COL9A1: variants seen among roughly 807,000 people sequenced by gnomAD.
COL9A1 encodes the protein collagen type IX alpha 1 chain, also known as collagen alpha-1(IX) chain.
Under a neutral mutation model 142.6 loss-of-function variants are expected in COL9A1, and 104 were observed. The ratio of observed to expected loss-of-function variants is 0.73; its 90% CI spans 0.62 to 0.86. The LOEUF (loss-of-function observed/expected upper bound fraction) is 0.86, where lower values mean the gene tolerates loss of function less well. Ranked by LOEUF, COL9A1 falls within the 40% of genes least tolerant of loss-of-function variation. The pLI is 0.00. For synonymous variants in COL9A1, 466 were observed against 396.0 expected (o/e 1.18, Z -2.10); for missense variants, 1,210 against 1,176.6 (o/e 1.03, Z -0.42).
intron 5 of COL9A1, among the ~76,000 whole-genome samples, chr6:70,287,640 A>G (rs1280302898): frequency 6.6e-6 from 1 of 150,568 alleles, no homozygotes; most frequent in African/African-American, 2.5e-5. Context: ...TCTTCTCCTC[A>G]TTTTCTCTTG....
intron 10 of COL9A1, among the ~76,000 whole-genome samples, chr6:70,275,569 T>C (rs1212091989): frequency 1.3e-5 from 2 of 152,240 alleles, no homozygotes; most frequent in Admixed American, 6.5e-5. Context: ...ACTACTTACT[T>C]TATCATCATC....
chr6:70,301,607 A>G (rs545256530), intron 2 of COL9A1, among the ~76,000 whole-genome samples: 35 of 152,254 alleles, frequency 2.3e-4, no homozygotes, highest in Admixed American at 2.6e-4. Flanking sequence ...ATAAAAAAGC[A>G]TGGGCCTAAC....
In COL9A1 at chr6:70,302,927, T is replaced by A; in HGVS notation, c.-3A>T. ...TTGTCTTACCAGCAGGTCTTCATTT[T>A]CCCAGTTGATTTTCTTTGTTTGCCA... is the stretch of plus-strand genomic sequence containing the variant. On this transcript the variant is annotated 5_prime_UTR_variant, in exon 1 of 38. Coordinates refer to ENST00000357250, the MANE Select transcript of COL9A1 (RefSeq NM_001851.6). 1 of 1,614,084 alleles carries A rather than the reference T, an allele frequency of 6.2e-7. No individual in the cohort carries two copies. The highest frequency in any genetic ancestry group is 1.1e-5 in the South Asian group (1 of 91,080).
chr6:70,247,834 C>T (rs1770698504), intron 28 of COL9A1, among the ~76,000 whole-genome samples: 1 of 152,150 alleles, frequency 6.6e-6, no homozygotes, highest in African/African-American at 2.4e-5. Flanking sequence ...AACCATCACA[C>T]ACATCAGCTT....
rs1167642665 is a variant in COL9A1, at chr6:70,294,301, C to T, written c.562G>A (p.Glu188Lys). The T allele has an allele frequency of 6.2e-7, 1 of 1,614,024 alleles. No individual in the cohort carries two copies. Among genetic ancestry groups the T allele is most frequent in the East Asian group, 2.2e-5 (1 of 44,878 alleles). The change falls in exon 5 of 38, where the codon GAG (glutamate) becomes AAG (lysine). Residue 188 changes from glutamate to lysine, a missense_variant. Glu to Lys is a moderately conservative substitution (Grantham distance 56). Transcript: ENST00000357250. ...ACAAAAAGAGTAGCACTACTCCTCT[C>T]CACGCCAATCATGATCTTATGCCAC... ...SQWHKIMIGV[E>K]RSSATLFVDC...
At position 70,242,703 on chromosome 6, in the gene COL9A1, C is replaced by T; in HGVS notation, c.1885G>A (p.Glu629Lys). 1 of 1,614,186 alleles carries T rather than the reference C, an allele frequency of 6.2e-7. No homozygotes were observed. Among genetic ancestry groups the T allele is most frequent in the Non-Finnish European group, 8.5e-7 (1 of 1,179,996 alleles). The change falls in exon 29 of 38, where the codon GAA becomes AAA. Residue 629 changes from glutamate (E) to lysine (K), a missense_variant. Coordinates refer to ENST00000357250, the MANE Select transcript of COL9A1 (RefSeq NM_001851.6). ...GPQGLPGSRG[E>K]LGPVGSPGLP... is the part of the protein sequence containing the mutation. ...CCTGGGGATCCCACTGGTCCTAATT[C>T]TCCTCTACTGCCCTGTAAAAACACA...
In COL9A1 at chr6:70,267,224, T is replaced by G. The variant is rs2881344; in HGVS notation, c.1288-454A>C. 3.6e-3 allele frequency among the ~76,000 whole-genome samples: 546 copies of G among 152,182 alleles called. 4 individuals are homozygous for G. Among genetic ancestry groups the G allele is most frequent in the African/African-American group, 0.011 (472 of 41,522 alleles). ...TCGGCCTCCTCCATTCCCACCTCCT[T>G]CCTGATGGTGGAGGAAGGCCTGGTG... On this transcript the variant is annotated intron_variant, in intron 17 of 37. Transcript: ENST00000357250.
Position 70,217,097 on chromosome 6 carries a change from G to A in COL9A1, c.2582-16C>T. On this transcript the variant is annotated splice_polypyrimidine_tract_variant and intron_variant, in intron 37 of 37. Coordinates refer to ENST00000357250, the MANE Select transcript of COL9A1 (RefSeq NM_001851.6). ...CCTGGGTCACCTGAAACACACAGAA[G>A]ATTGCACATGTGAACAGGAGAATCC... 6.2e-7 allele frequency: 1 copy of A among 1,613,582 alleles called. No homozygotes were observed. Among genetic ancestry groups the A allele is most frequent in the Non-Finnish European group, 8.5e-7 (1 of 1,179,754 alleles).
intron 5 of COL9A1, among the ~76,000 whole-genome samples, chr6:70,287,704 G>C (rs757283856): frequency 2.0e-5 from 3 of 152,130 alleles, no homozygotes; most frequent in Non-Finnish European, 4.4e-5. Flanking sequence ...CTTTTCTCAA[G>C]ATCACTCTCT....
chr6:70,301,928 A>G lies in COL9A1; in HGVS notation c.88+73T>C, dbSNP rs1468088592. The G allele has an allele frequency of 8.9e-6, 11 of 1,232,062 alleles. No homozygotes were observed. The East Asian group carries it at 2.2e-4, about 25-fold the overall frequency. 76.3% of individuals were successfully genotyped at this position (1,232,062 alleles called of 1,614,324 possible). A position where few individuals can be genotyped will look rare whatever the true frequency, so the allele number is the denominator to read the frequency against. ...ACTATGAATGCCTCACTCAGTCTTC[A>G]GTCAGCCACAGCCCTGCCTGATCAT... is the stretch of plus-strand genomic sequence containing the variant. On this transcript the variant is annotated intron_variant, in intron 2 of 37. Coordinates refer to ENST00000357250, the MANE Select transcript of COL9A1 (RefSeq NM_001851.6).
At chr6:70,296,382 T>C (rs984874569) in intron 4 of COL9A1, among the ~76,000 whole-genome samples, 1 of 152,142 alleles carries the variant, frequency 6.6e-6, no homozygotes, top group Admixed American at 6.5e-5. Flanking sequence ...CTATGTTTTA[T>C]ATCCCTCAAG....
intron 19 of COL9A1, among the ~76,000 whole-genome samples, chr6:70,262,340 A>G (rs1482170115): frequency 6.6e-6 from 1 of 152,160 alleles, no homozygotes; most frequent in South Asian, 2.1e-4. Flanking sequence ...AGCAGAGACC[A>G]TTTCTTCCAG....
chr6:70,254,640 C>T (rs988006838), intron 24 of COL9A1, 111 bp from the exon 25 acceptor site: 18 of 867,906 alleles, frequency 2.1e-5, no homozygotes, highest in Non-Finnish European at 3.0e-5. Flanking sequence ...CAACAGCTGA[C>T]TTTACATGCA....
At chr6:70,250,818 AT>A (rs1770892635) in intron 28 of COL9A1, among the ~76,000 whole-genome samples, 1 of 152,228 alleles carries the variant, frequency 6.6e-6, no homozygotes, top group African/African-American at 2.4e-5. Flanking sequence ...ATAATATTTA[AT>A]TTCCTAATCA....
intron 37 of COL9A1, 25 bp from the exon 38 acceptor site, chr6:70,217,106 T>C: frequency 6.2e-7 from 1 of 1,612,748 alleles, no homozygotes; most frequent in South Asian, 1.1e-5. Flanking sequence ...AGATTGCACA[T>C]GTGAACAGGA....
chr6:70,234,917 G>A lies in COL9A1; in HGVS notation c.2136C>T (p.Gly712=). The A allele has an allele frequency of 1.9e-6, 3 of 1,614,120 alleles. No homozygotes were observed. The highest frequency in any genetic ancestry group is 2.5e-6 in the Non-Finnish European group (3 of 1,180,008). ...KGSAGNPGEP[G]LRGPEGSRGL... ...CCCGACTTCCCTCAGGCCCTCTCAA[G>A]CCAGGTTCCCCAGGATTACCTGCCT... Residue 712 remains glycine (G), a synonymous_variant, in exon 34 of 38, where the codon GGC becomes GGT. Coordinates refer to ENST00000357250, the MANE Select transcript of COL9A1 (RefSeq NM_001851.6).
chr6:70,281,131 A>G, intron 8 of COL9A1, 92 bp from the exon 9 acceptor site: 1 of 1,115,422 alleles, frequency 9.0e-7, no homozygotes, highest in Non-Finnish European at 1.3e-6. Flanking sequence ...CACTTCACAG[A>G]TGGGGATGGT....
At chr6:70,272,114 A>G (rs765621243) in intron 12 of COL9A1, 26 bp from the exon 13 acceptor site, 2 of 1,602,680 alleles carry the variant, frequency 1.2e-6, no homozygotes, top group East Asian at 2.2e-5. Context: ...AAAAATGGTT[A>G]TAGCTTGAGG....
intron 29 of COL9A1, chr6:70,242,281 T>C: frequency 1.7e-6 from 1 of 585,074 alleles, no homozygotes. Context: ...AACAGTAGGC[T>C]TTTTCAGTCA....
Sources: gnomAD v4.1 joint callset for allele counts (sites outside exome capture counted in the v4.1 genomes callset) on GRCh38, gnomAD v4.1.1 for gene constraint, MANE v1.5 for transcripts, NCBI Gene and HGNC (gene_info 2026-07-23, HGNC 2026-07-21) for gene names.